TTC21B: variants seen among roughly 807,000 people sequenced by gnomAD.
The protein encoded by TTC21B is tetratricopeptide repeat protein 21B.
TTC21B carries 127 observed loss-of-function variants against 175.1 expected under a neutral mutation model. The observed-to-expected ratio is 0.73, with a 90% CI of 0.63 to 0.84. TTC21B has a LOEUF of 0.84. Among genes scored for constraint, TTC21B ranks in the 40% least tolerant of loss-of-function variants. The pLI is 0.00. For synonymous variants in TTC21B, 524 were observed against 524.5 expected (o/e 1.00, Z 0.01); for missense variants, 1,561 against 1,558.3 (o/e 1.00, Z -0.03).
At chr2:165,906,507 G>A (rs1253108500) in intron 19 of TTC21B, among the ~76,000 whole-genome samples, 1 of 152,064 alleles carries the variant, frequency 6.6e-6, no homozygotes, top group Non-Finnish European at 1.5e-5. Flanking sequence ...ACAAGTTTAT[G>A]TTAATAAATT....
At chr2:165,949,963 T>A in intron 1 of TTC21B, 2 of 373,026 alleles carry the variant, frequency 5.4e-6, no homozygotes, top group South Asian at 7.7e-5. Flanking sequence ...TTATTTTTCC[T>A]AAGTTTTTGT....
chr2:165,928,939 G>T, intron 11 of TTC21B, 196 bp downstream of exon 11: 1 of 578,290 alleles, frequency 1.7e-6, no homozygotes, highest in Non-Finnish European at 3.1e-6. Flanking sequence ...ATGAATATTT[G>T]CAAACCAATA....
At position 165,874,601 on chromosome 2, in the gene TTC21B, ACTTCT is replaced by A; in HGVS notation, c.*149_*153del. 1 of 669,240 alleles carries A rather than the reference ACTTCT, an allele frequency of 1.5e-6. No individual in the cohort carries two copies. Among genetic ancestry groups the A allele is most frequent in the South Asian group, 1.7e-5 (1 of 58,276 alleles). The allele number at this position is 669,240 out of a possible 1,614,324, so 41.5% of individuals were successfully genotyped here. On this transcript the variant is annotated 3_prime_UTR_variant, in exon 29 of 29. Transcript: ENST00000243344. ...TTAGGAAACACCAATTTCACATAGTACTTCTCTTGATGTACAGCAGCAACCTCTGC... is the reference window on the plus strand; with the variant it reads ...TTAGGAAACACCAATTTCACATAGTACTTGATGTACAGCAGCAACCTCTGC...
intron 23 of TTC21B, 93 bp downstream of exon 23, chr2:165,890,745 G>A (rs955834687): frequency 6.5e-7 from 1 of 1,537,576 alleles, no homozygotes; most frequent in African/African-American, 1.4e-5. Context: ...ATTTTGAAAT[G>A]TACATTTTTT....
At chr2:165,926,549 ACT>A (rs1686636847) in intron 11 of TTC21B, among the ~76,000 whole-genome samples, 1 of 151,800 alleles carries the variant, frequency 6.6e-6, no homozygotes, top group Non-Finnish European at 1.5e-5. Flanking sequence ...TGTCTGAAAC[ACT>A]CTACCATATT....
rs1686792116 is a variant in TTC21B, at chr2:165,929,227, C to T, written c.1294G>A (p.Gly432Ser). ...AAATACTGTATGCCAAGAGGCAAACCTTCTAATTGTGAAAAGTGAGTGTCC... is the reference window on the plus strand; with the variant it reads ...AAATACTGTATGCCAAGAGGCAAACTTTCTAATTGTGAAAAGTGAGTGTCC... The part of the protein sequence containing the change: ...VLDTHFSQLE[G>S]LPLGIQYFEK... Residue 432 changes from glycine to serine, a missense_variant, in exon 11 of 29, where the codon GGT (glycine) becomes AGT (serine). Coordinates refer to ENST00000243344, the MANE Select transcript of TTC21B (RefSeq NM_024753.5). The T allele has an allele frequency of 6.8e-6, 11 of 1,612,898 alleles. No homozygotes were observed. Among genetic ancestry groups the T allele is most frequent in the Non-Finnish European group, 8.5e-6 (10 of 1,179,260 alleles).
chr2:165,917,341 T>C lies in TTC21B; in HGVS notation c.1815A>G (p.Lys605=), dbSNP rs375893841. 1.9e-6 allele frequency: 3 copies of C among 1,614,106 alleles called. No individual in the cohort carries two copies. The African/African-American group carries it at 4.0e-5, about 22-fold the overall frequency. The part of the protein sequence containing the change: ...MKRIGASTKS[K]DRKTEVDTSH... ...TTGTATCAACTTCAGTTTTTCTGTCTTTTGATTTTGTGGAAGCTCCAATTC... is the reference window on the plus strand; with the variant it reads ...TTGTATCAACTTCAGTTTTTCTGTCCTTTGATTTTGTGGAAGCTCCAATTC... Residue 605 remains lysine, a synonymous_variant, in exon 14 of 29, where the codon AAA becomes AAG. Transcript: ENST00000243344.
At chr2:165,879,267 GCATTCCTT>G (rs1684767127) in intron 27 of TTC21B, among the ~76,000 whole-genome samples, 1 of 152,170 alleles carries the variant, frequency 6.6e-6, no homozygotes, top group Non-Finnish European at 1.5e-5. Context: ...ACTTCTATGT[GCATTCCTT>G]CTATGGAATA....
chr2:165,929,501 G>A (rs1686804472), intron 10 of TTC21B, 149 bp downstream of exon 10: 4 of 900,006 alleles, frequency 4.4e-6, no homozygotes. Flanking sequence ...ATAAAGTTTA[G>A]TTTTGAATGG....
At chr2:165,913,457 G>C in intron 16 of TTC21B, 117 bp downstream of exon 16, 1 of 701,142 alleles carries the variant, frequency 1.4e-6, no homozygotes, top group South Asian at 1.8e-5. Flanking sequence ...CTTTTACTGT[G>C]ATGGCTGGAT....
chr2:165,925,284 T>G (rs1447664486), intron 11 of TTC21B, among the ~76,000 whole-genome samples: 1 of 152,228 alleles, frequency 6.6e-6, no homozygotes, highest in African/African-American at 2.4e-5. Context: ...ATGAGTATGA[T>G]AATTAAAGTG....
At chr2:165,891,088 G>A (rs1176532740) in intron 22 of TTC21B, 100 bp from the exon 23 acceptor site, 1 of 1,051,436 alleles carries the variant, frequency 9.5e-7, no homozygotes, top group Non-Finnish European at 1.4e-6. Context: ...TTCATATAAA[G>A]TACATTTTAA....
rs1204979754 is a variant in TTC21B, at chr2:165,919,416, A to C, written c.1534T>G (p.Phe512Val). 1 of 1,614,094 alleles carries C rather than the reference A, an allele frequency of 6.2e-7. No individual in the cohort carries two copies. Residue 512 changes from phenylalanine to valine, a missense_variant, in exon 13 of 29, where the codon TTC becomes GTC. Physicochemically the swap from Phe to Val is conservative, Grantham distance 50. Coordinates refer to ENST00000243344, the MANE Select transcript of TTC21B (RefSeq NM_024753.5). Reference sequence around the variant, plus strand: ...TCTAAGCAGTGCTGAAGGTTATTGAAAGCTGCTTCAATATCACCTAATAAG... The same window carrying C: ...TCTAAGCAGTGCTGAAGGTTATTGACAGCTGCTTCAATATCACCTAATAAG... The part of the protein sequence containing the change: ...KYLSGDIEAA[F>V]NNLQHCLEHN...
Position 165,915,293 on chromosome 2 carries a change from G to T in TTC21B, c.2046C>A (p.Ala682=). 1.2e-6 allele frequency: 2 copies of T among 1,613,896 alleles called. No individual in the cohort carries two copies. ...RALSILQNVT[A]EQPYFIEARE... is the part of the protein sequence containing the mutation. Reference sequence around the variant, plus strand: ...TGGCCTCTATAAAATAAGGCTGTTCGGCTGTAACATTCTGAAGGATGCTTA... The same window carrying T: ...TGGCCTCTATAAAATAAGGCTGTTCTGCTGTAACATTCTGAAGGATGCTTA... The change falls in exon 15 of 29, where the codon GCC becomes GCA. Residue 682 remains alanine, a synonymous_variant. Transcript: ENST00000243344.
chr2:165,914,236 T>C (rs538281021), intron 15 of TTC21B, among the ~76,000 whole-genome samples: 2 of 152,344 alleles, frequency 1.3e-5, no homozygotes, highest in African/African-American at 4.8e-5. Context: ...TGAGAATTAT[T>C]ATCCCAGTTT....
rs56346146 is a variant in TTC21B at position 165,900,064 on chromosome 2, G to GA, written c.2758-185dup. On this transcript the variant is annotated intron_variant, in intron 20 of 28. Transcript: ENST00000243344. Reference sequence around the variant, plus strand: ...CCCATCTCTATTTTCTCTTACACTAGAAAAAAAAAAAACAGAGAAACAGGT... The same window carrying GA: ...CCCATCTCTATTTTCTCTTACACTAGAAAAAAAAAAAAACAGAGAAACAGGT... 0.45 allele frequency among the ~76,000 whole-genome samples: 58,096 copies of GA among 128,100 alleles called. 12,936 individuals carry two copies. Among genetic ancestry groups the GA allele is most frequent in the Middle Eastern group, 0.57 (145 of 256 alleles). 84.0% of individuals were successfully genotyped at this position (128,100 alleles called of 152,430 possible).
Position 165,900,438 on chromosome 2 carries a change from CACTT to C in TTC21B, c.2758-562_2758-559del, listed in dbSNP as rs138371985. On this transcript the variant is annotated intron_variant, in intron 20 of 28. Coordinates refer to ENST00000243344, the MANE Select transcript of TTC21B (RefSeq NM_024753.5). ...AGGATAGTTGTCTTTTGTACATGAT[CACTT>C]ACTTAAGTGTTTAGCCATTAATTAT... 7.3e-3 allele frequency among the ~76,000 whole-genome samples: 1,119 copies of C among 152,276 alleles called. 9 individuals are homozygous for C. Among genetic ancestry groups the C allele is most frequent in the African/African-American group, 0.026 (1,070 of 41,552 alleles).
intron 8 of TTC21B, 31 bp downstream of exon 8, chr2:165,931,727 C>A: frequency 6.4e-7 from 1 of 1,551,346 alleles, no homozygotes; most frequent in Non-Finnish European, 8.9e-7. Context: ...CTATAGATAA[C>A]AGAGCTCTGG....
chr2:165,879,448 A>T (rs1258418876), intron 27 of TTC21B, among the ~76,000 whole-genome samples: 1 of 152,246 alleles, frequency 6.6e-6, no homozygotes, highest in Admixed American at 6.5e-5. Context: ...GACTCCAGGA[A>T]ACTAACAGAT....
Sources: gnomAD v4.1 joint callset for allele counts (sites outside exome capture counted in the v4.1 genomes callset) on GRCh38, gnomAD v4.1.1 for gene constraint, MANE v1.5 for transcripts, NCBI Gene and HGNC (gene_info 2026-07-23, HGNC 2026-07-21) for gene names.